The following NRXN3 variants were observed in gnomAD, a reference collection of about 807,000 sequenced individuals.
NRXN3 encodes neurexin III.
Under a neutral mutation model 137.6 loss-of-function variants are expected in NRXN3, and 32 were observed. That is an observed-to-expected ratio of 0.23 (90% confidence interval 0.18 to 0.31). NRXN3 has a LOEUF of 0.31. Ranked by LOEUF, NRXN3 falls within the 10% of genes least tolerant of loss-of-function variation. The pLI is 1.00. For missense variants in NRXN3, 1,574 were observed against 2,062.5 expected (o/e 0.76, Z 4.59); for synonymous variants, 798 against 784.5 (o/e 1.02, Z -0.29).
chr14:79,303,614 GTTGGCAAATTT>G (rs2085513884), intron 15 of NRXN3, among the ~76,000 whole-genome samples: 1 of 151,990 alleles, frequency 6.6e-6, no homozygotes, highest in South Asian at 2.1e-4. Flanking sequence ...GAGGTCAGAA[GTTGGCAAATTT>G]TTTTGTTGGG....
intron 4 of NRXN3, among the ~76,000 whole-genome samples, chr14:78,376,361 C>T (rs1245042184): frequency 1.3e-5 from 2 of 152,128 alleles, no homozygotes; most frequent in Non-Finnish European, 2.9e-5. Context: ...CCACATGTCC[C>T]AATTTTTCAA....
At chr14:78,856,131 A>G (rs2099056417) in intron 10 of NRXN3, among the ~76,000 whole-genome samples, 2 of 152,204 alleles carry the variant, frequency 1.3e-5, no homozygotes, top group South Asian at 4.1e-4. Flanking sequence ...CAACCTCAGT[A>G]TGCCTACAGG....
At chr14:78,988,873 T>C (rs2099512779) in intron 15 of NRXN3, among the ~76,000 whole-genome samples, 1 of 152,184 alleles carries the variant, frequency 6.6e-6, no homozygotes, top group South Asian at 2.1e-4. Flanking sequence ...AAGAGAGTCT[T>C]GTGATTGTTA....
rs11419735 is a variant in NRXN3 at position 79,590,416 on chromosome 14, T to TAAAAAAAAAAAAAAAAAAAAAA, written c.3445-73361_3445-73340dup. On this transcript the variant is annotated intron_variant, in intron 16 of 20. Coordinates refer to ENST00000335750, the MANE Select transcript of NRXN3 (RefSeq NM_001330195.2). ...TCCATTAAACCTTTCTTTCTTTTGT[T>TAAAAAAAAAAAAAAAAAAAAAA]AAAAAAAAAAAAAAAAAAAAAAGAT... is the stretch of plus-strand genomic sequence containing the variant. Among the ~76,000 whole-genome samples, 23 of 92,272 alleles carry TAAAAAAAAAAAAAAAAAAAAAA rather than the reference T, an allele frequency of 2.5e-4. No individual in the cohort carries two copies. The East Asian group carries it at 3.1e-3, about 13-fold the overall frequency. 60.5% of individuals were successfully genotyped at this position (92,272 alleles called of 152,430 possible).
chr14:78,759,331 G>T (rs868378612), intron 8 of NRXN3, among the ~76,000 whole-genome samples: 1 of 152,194 alleles, frequency 6.6e-6, no homozygotes. Context: ...CTAACCAGGT[G>T]CATTATATAC....
chr14:79,520,169 G>T (rs1000031412), intron 16 of NRXN3, among the ~76,000 whole-genome samples: 1 of 151,996 alleles, frequency 6.6e-6, no homozygotes, highest in Non-Finnish European at 1.5e-5. Context: ...TTTAAAACCT[G>T]AATACCACTT....
At chr14:79,839,163 C>A (rs550265382) in intron 20 of NRXN3, among the ~76,000 whole-genome samples, 1 of 151,672 alleles carries the variant, frequency 6.6e-6, no homozygotes, top group Non-Finnish European at 1.5e-5. Flanking sequence ...AGGTAAAGGG[C>A]CCCTTCTGCT....
chr14:78,685,322 T>C (rs1274321748), intron 6 of NRXN3, among the ~76,000 whole-genome samples: 1 of 152,204 alleles, frequency 6.6e-6, no homozygotes, highest in African/African-American at 2.4e-5. Flanking sequence ...GAGGCACATA[T>C]GCTCCTATCT....
Position 79,257,427 on chromosome 14 carries a change from G to GTGA in NRXN3, c.3263-209792_3263-209791insATG, listed in dbSNP as rs2076804377. On this transcript the variant is annotated intron_variant, in intron 15 of 20. Coordinates refer to ENST00000335750, the MANE Select transcript of NRXN3 (RefSeq NM_001330195.2). ...GGTGGTGGTGGTGATGGTGGTGATG[G>GTGA]TGGTGGTGGTGGTGGTAGTGATGGT... 5.8e-5 allele frequency among the ~76,000 whole-genome samples: 3 copies of GTGA among 51,916 alleles called. 1 individual carries two copies. The highest frequency in any genetic ancestry group is 2.3e-4 in the African/African-American group (3 of 13,070). 34.1% of individuals were successfully genotyped at this position (51,916 alleles called of 152,430 possible). A position where few individuals can be genotyped will look rare whatever the true frequency, so the allele number is the denominator to read the frequency against.
At chr14:78,970,174 T>C (rs955387792) in intron 14 of NRXN3, among the ~76,000 whole-genome samples, 1 of 152,180 alleles carries the variant, frequency 6.6e-6, no homozygotes, top group African/African-American at 2.4e-5. Context: ...TGCCATCAGT[T>C]CTTCAGATTT....
intron 15 of NRXN3, among the ~76,000 whole-genome samples, chr14:79,376,654 C>G (rs953047140): frequency 2.6e-5 from 4 of 152,098 alleles, no homozygotes; most frequent in African/African-American, 9.7e-5. Context: ...GTTTTCAAAA[C>G]TATAAAGCTA....
chr14:79,809,854 G>A (rs1024154575), intron 20 of NRXN3, among the ~76,000 whole-genome samples: 1 of 152,158 alleles, frequency 6.6e-6, no homozygotes, highest in African/African-American at 2.4e-5. Flanking sequence ...AAACGGATGA[G>A]CTGGAGAGCA....
At chr14:78,639,129 A>G (rs2152561187) in intron 4 of NRXN3, among the ~76,000 whole-genome samples, 1 of 152,304 alleles carries the variant, frequency 6.6e-6, no homozygotes, top group African/African-American at 2.4e-5. Context: ...TGGCCACAAG[A>G]CCACAGGCCA....
chr14:79,185,467 ATT>A (rs10678366), intron 15 of NRXN3, among the ~76,000 whole-genome samples: 13 of 144,238 alleles, frequency 9.0e-5, no homozygotes, highest in East Asian at 4.1e-4. Flanking sequence ...ACACTTGGGA[ATT>A]TTTTTTTTTT....
intron 15 of NRXN3, among the ~76,000 whole-genome samples, chr14:79,449,605 C>T (rs574865350): frequency 6.6e-6 from 1 of 152,248 alleles, no homozygotes; most frequent in Non-Finnish European, 1.5e-5. Context: ...ATATGATTTG[C>T]TATTTTATAT....
At chr14:78,862,843 A>T (rs1302698826) in intron 10 of NRXN3, among the ~76,000 whole-genome samples, 2 of 152,188 alleles carry the variant, frequency 1.3e-5, no homozygotes, top group Non-Finnish European at 2.9e-5. Flanking sequence ...AGTGGCATTG[A>T]TAGATATAAG....
chr14:79,198,136 T>G (rs1485571452), intron 15 of NRXN3, among the ~76,000 whole-genome samples: 1 of 152,204 alleles, frequency 6.6e-6, no homozygotes. Flanking sequence ...TGTTAAAATA[T>G]GGATAATCCA....
At chr14:78,807,221 C>A (rs1361628646) in intron 9 of NRXN3, among the ~76,000 whole-genome samples, 1 of 152,144 alleles carries the variant, frequency 6.6e-6, no homozygotes, top group Non-Finnish European at 1.5e-5. Context: ...TGGACAAAAC[C>A]TTTAAAAGAT....
intron 10 of NRXN3, among the ~76,000 whole-genome samples, chr14:78,926,553 C>G (rs942610033): frequency 1.6e-5 from 2 of 126,838 alleles, no homozygotes; most frequent in Middle Eastern, 3.5e-3. Flanking sequence ...CCAGCCTGGG[C>G]AACATGGTGA....
Sources: allele counts gnomAD v4.1 joint callset (sites outside exome capture counted in the v4.1 genomes callset), GRCh38; gene constraint gnomAD v4.1.1; transcripts MANE v1.5; gene names NCBI Gene and HGNC (gene_info 2026-07-23, HGNC 2026-07-21).